Variants in ARHGAP26 observed in about 807,000 individuals in gnomAD.
The protein encoded by ARHGAP26 is Rho GTPase activating protein 26.
Under a neutral mutation model 104.8 loss-of-function variants are expected in ARHGAP26, and 38 were observed. That is an observed-to-expected ratio of 0.36 (90% CI 0.28 to 0.48). The LOEUF is 0.48. ARHGAP26 is among the 20% of genes least tolerant of loss of function. ARHGAP26 has a pLI of 0.99. For missense variants in ARHGAP26, 704 were observed against 947.9 expected (o/e 0.74, Z 3.38); for synonymous variants, 341 against 340.0 (o/e 1.00, Z -0.03).
chr5:142,912,919 A>G (rs1342251934), intron 9 of ARHGAP26, among the ~76,000 whole-genome samples: 1 of 152,190 alleles, frequency 6.6e-6, no homozygotes, highest in African/African-American at 2.4e-5. Context: ...GCAAATTAAA[A>G]CAATGTCAAC....
intron 9 of ARHGAP26, among the ~76,000 whole-genome samples, chr5:142,912,869 A>G (rs1258691566): frequency 6.6e-6 from 1 of 152,184 alleles, no homozygotes; most frequent in Non-Finnish European, 1.5e-5. Context: ...AGAAGCTCAG[A>G]GTTAGGAGGA....
At chr5:142,980,900 A>T (rs947046847) in intron 11 of ARHGAP26, among the ~76,000 whole-genome samples, 3 of 152,132 alleles carry the variant, frequency 2.0e-5, no homozygotes, top group Non-Finnish European at 4.4e-5. Flanking sequence ...GCTTGGAATT[A>T]TCCATCTTTT....
At position 142,966,195 on chromosome 5, in the gene ARHGAP26, A is replaced by C. The variant is rs3776383; in HGVS notation, c.1107+34070A>C. Among the ~76,000 whole-genome samples, 378 of 152,298 alleles carry C rather than the reference A, an allele frequency of 2.5e-3. 9 individuals carry two copies. The East Asian group carries it at 0.042, about 17-fold the overall frequency. On this transcript the variant is annotated intron_variant, in intron 11 of 22. Coordinates refer to ENST00000645722, the MANE Select transcript of ARHGAP26 (RefSeq NM_001135608.3). ...AGTCACACATAGGAAAACTCTCCTAATCGCATTTATAACGTACTGTAGGAG... is the reference window on the plus strand; with the variant it reads ...AGTCACACATAGGAAAACTCTCCTACTCGCATTTATAACGTACTGTAGGAG...
At position 142,930,026 on chromosome 5, in the gene ARHGAP26, C is replaced by T. The variant is rs558185543; in HGVS notation, c.1029-2021C>T. ...TGGGGAGTTGGTTAAAATCCAAGTTCCCAGGCACAGCCCAGTTCAGATTGA... is the reference window on the plus strand; with the variant it reads ...TGGGGAGTTGGTTAAAATCCAAGTTTCCAGGCACAGCCCAGTTCAGATTGA... On this transcript the variant is annotated intron_variant, in intron 10 of 22. Coordinates refer to ENST00000645722, the MANE Select transcript of ARHGAP26 (RefSeq NM_001135608.3). Among the ~76,000 whole-genome samples, 7 of 152,240 alleles carry T rather than the reference C, an allele frequency of 4.6e-5. No individual in the cohort carries two copies. In the South Asian group the frequency reaches 1.5e-3, roughly 32 times the overall value.
intron 12 of ARHGAP26, 143 bp from the exon 13 acceptor site, chr5:143,037,053 T>C (rs1454065492): frequency 9.2e-6 from 4 of 434,914 alleles, no homozygotes; most frequent in Admixed American, 7.6e-5. Context: ...ATTATTATTA[T>C]GTTATTCCTG....
rs748600392 is a variant in ARHGAP26, at chr5:143,222,448, C to G, written c.*2C>G. On this transcript the variant is annotated 3_prime_UTR_variant, in exon 23 of 23. Coordinates refer to ENST00000645722, the MANE Select transcript of ARHGAP26 (RefSeq NM_001135608.3). ...GAGAATTACGTGGAGTTCCTCTAAC[C>G]GTGGGCCCCAGCAGAACTGCTGAGC... The G allele has an allele frequency of 1.9e-6, 3 of 1,589,128 alleles. No individual in the cohort carries two copies. The highest frequency in any genetic ancestry group is 2.7e-5 in the African/African-American group (2 of 74,570).
At chr5:142,813,712 A>G (rs1296326860) in intron 1 of ARHGAP26, among the ~76,000 whole-genome samples, 1 of 152,170 alleles carries the variant, frequency 6.6e-6, no homozygotes, top group Admixed American at 6.5e-5. Flanking sequence ...AGGTCACCAT[A>G]TTGTATTAGG....
intron 1 of ARHGAP26, among the ~76,000 whole-genome samples, chr5:142,806,858 T>C (rs1291223167): frequency 6.6e-6 from 1 of 152,226 alleles, no homozygotes; most frequent in Non-Finnish European, 1.5e-5. Flanking sequence ...TAACCAGCAG[T>C]TGACTCATTT....
At chr5:143,057,502 A>G (rs1252365690) in intron 16 of ARHGAP26, 140 bp from the exon 17 acceptor site, 2 of 697,712 alleles carry the variant, frequency 2.9e-6, no homozygotes, top group East Asian at 2.5e-5. Flanking sequence ...GCCACGCAGT[A>G]TGCACACAAG....
chr5:143,106,483 T>TG (rs1794037873), intron 17 of ARHGAP26, among the ~76,000 whole-genome samples: 1 of 144,158 alleles, frequency 6.9e-6, no homozygotes, highest in African/African-American at 2.6e-5. Context: ...TTTTTTTTTT[T>TG]TTTTTTTGAG....
intron 11 of ARHGAP26, among the ~76,000 whole-genome samples, chr5:142,995,185 A>G (rs543476147): frequency 6.6e-6 from 1 of 152,344 alleles, no homozygotes; most frequent in Non-Finnish European, 1.5e-5. Context: ...TAAACTAAAG[A>G]GCTCCTGCAC....
intron 11 of ARHGAP26, among the ~76,000 whole-genome samples, chr5:142,973,939 T>G (rs1169833481): frequency 6.6e-6 from 1 of 152,218 alleles, no homozygotes; most frequent in Non-Finnish European, 1.5e-5. Flanking sequence ...CTAACCATTT[T>G]CCTCCCTTTT....
At chr5:142,937,789 C>CA (rs200898033) in intron 11 of ARHGAP26, among the ~76,000 whole-genome samples, 11 of 141,618 alleles carry the variant, frequency 7.8e-5, no homozygotes, top group South Asian at 2.7e-4. Flanking sequence ...AGGCCAGTCT[C>CA]AAAAAAAAAT....
chr5:142,841,495 C>G (rs936140600), intron 1 of ARHGAP26, among the ~76,000 whole-genome samples: 1 of 152,198 alleles, frequency 6.6e-6, no homozygotes, highest in Non-Finnish European at 1.5e-5. Context: ...ATCCTTGGAG[C>G]CTTCACATTG....
chr5:143,210,573 T>G (rs1030827093), intron 21 of ARHGAP26, among the ~76,000 whole-genome samples: 1 of 152,210 alleles, frequency 6.6e-6, no homozygotes, highest in Non-Finnish European at 1.5e-5. Context: ...TATTTCCCTT[T>G]TCTTTCACTT....
chr5:143,106,104 C>A (rs1268289703), intron 17 of ARHGAP26, among the ~76,000 whole-genome samples: 2 of 152,126 alleles, frequency 1.3e-5, no homozygotes, highest in Non-Finnish European at 2.9e-5. Flanking sequence ...TGTTTCCCAC[C>A]CTTACTTAAT....
chr5:142,873,843 G>T (rs974333893), intron 2 of ARHGAP26, among the ~76,000 whole-genome samples: 1 of 152,126 alleles, frequency 6.6e-6, no homozygotes. Context: ...GGTAGATGAG[G>T]GGAAATTTAG....
At chr5:142,922,064 G>A (rs1348932905) in intron 10 of ARHGAP26, 2 of 152,164 alleles carry the variant, frequency 1.3e-5, no homozygotes, top group Non-Finnish European at 2.9e-5. Context: ...GCTAGGGTAA[G>A]ATTCCATTTT....
At chr5:143,040,021 G>T (rs1598755205) in intron 13 of ARHGAP26, among the ~76,000 whole-genome samples, 1 of 152,224 alleles carries the variant, frequency 6.6e-6, no homozygotes, top group Admixed American at 6.5e-5. Context: ...CGTATTTATG[G>T]TGATCAGAGA....
Sources: gnomAD v4.1 joint callset for allele counts (sites outside exome capture counted in the v4.1 genomes callset) on GRCh38, gnomAD v4.1.1 for gene constraint, MANE v1.5 for transcripts, NCBI Gene and HGNC (gene_info 2026-07-23, HGNC 2026-07-21) for gene names.